CRPPA: variants seen among roughly 807,000 people sequenced by gnomAD.
CRPPA encodes the protein D-ribitol-5-phosphate cytidylyltransferase.
Under a neutral mutation model 52.0 loss-of-function variants are expected in CRPPA, and 43 were observed. That is an observed-to-expected ratio of 0.83 (90% confidence interval 0.65 to 1.07). CRPPA has a LOEUF of 1.07. Among genes scored for constraint, CRPPA ranks in the 50% least tolerant of loss-of-function variants. The probability of loss-of-function intolerance (pLI) is 0.00; values close to 1 mark genes in which losing one functional copy is unlikely to be tolerated. For synonymous variants in CRPPA, 250 were observed against 203.5 expected (o/e 1.23, Z -1.94); for missense variants, 629 against 551.7 (o/e 1.14, Z -1.40).
At chr7:16,411,047 C>T (rs926526485) in intron 1 of CRPPA, among the ~76,000 whole-genome samples, 2 of 152,180 alleles carry the variant, frequency 1.3e-5, no homozygotes, top group Non-Finnish European at 2.9e-5. Context: ...AAAACTATGT[C>T]CCAGAACTTA....
chr7:16,168,350 T>C (rs1272421304), intron 9 of CRPPA, among the ~76,000 whole-genome samples: 1 of 152,128 alleles, frequency 6.6e-6, no homozygotes, highest in African/African-American at 2.4e-5. Context: ...ATAAGGAATA[T>C]GACATATCTG....
In CRPPA at chr7:16,093,833, G is replaced by T. The variant is rs147690935; in HGVS notation, c.1252-2034C>A. 2.6e-5 allele frequency among the ~76,000 whole-genome samples: 4 copies of T among 152,170 alleles called. No individual in the cohort carries two copies. In the East Asian group the frequency reaches 7.7e-4, roughly 29 times the overall value. ...CATTCTTAATGATCAATTAATTATA[G>T]TGCTGCAGGGTCTATAACACACATC... On this transcript the variant is annotated intron_variant, in intron 9 of 9. Transcript: ENST00000407010.
chr7:16,124,742 C>A (rs979878598), intron 9 of CRPPA, among the ~76,000 whole-genome samples: 16 of 152,002 alleles, frequency 1.1e-4, no homozygotes, highest in African/African-American at 3.9e-4. Flanking sequence ...AAAAATGATA[C>A]ATGTTTGAAG....
At chr7:16,381,574 T>C (rs1787090147) in intron 2 of CRPPA, among the ~76,000 whole-genome samples, 1 of 151,870 alleles carries the variant, frequency 6.6e-6, no homozygotes, top group South Asian at 2.1e-4. Flanking sequence ...TTGATCTGTC[T>C]AATGTTGACA....
chr7:16,419,581 G>T (rs1788278885), intron 1 of CRPPA, among the ~76,000 whole-genome samples: 1 of 151,966 alleles, frequency 6.6e-6, no homozygotes, highest in South Asian at 2.1e-4. Flanking sequence ...TTGCTCCTGG[G>T]GATAACATCA....
At chr7:16,234,663 C>T (rs1187584253) in intron 8 of CRPPA, among the ~76,000 whole-genome samples, 2 of 152,034 alleles carry the variant, frequency 1.3e-5, no homozygotes, top group Non-Finnish European at 2.9e-5. Flanking sequence ...TCACAAAGCA[C>T]CTCGTTGTAG....
At chr7:16,358,576 T>C (rs534426050) in intron 3 of CRPPA, among the ~76,000 whole-genome samples, 3 of 152,326 alleles carry the variant, frequency 2.0e-5, no homozygotes, top group African/African-American at 7.2e-5. Context: ...GGGTTGGGCA[T>C]GCTATTCTGT....
chr7:16,209,489 C>G (rs1164289231), intron 9 of CRPPA, among the ~76,000 whole-genome samples: 2 of 152,030 alleles, frequency 1.3e-5, no homozygotes, highest in Non-Finnish European at 2.9e-5. Flanking sequence ...CCAGATTGGT[C>G]TCGAACTCCT....
intron 2 of CRPPA, among the ~76,000 whole-genome samples, chr7:16,398,530 C>A (rs912171010): frequency 1.3e-5 from 2 of 152,110 alleles, no homozygotes; most frequent in African/African-American, 2.4e-5. Context: ...CAAAATGTGA[C>A]AAATGATCGA....
At chr7:16,389,928 A>AATATATATATATATAT (rs1202579530) in intron 2 of CRPPA, among the ~76,000 whole-genome samples, 10 of 29,754 alleles carry the variant, frequency 3.4e-4, no homozygotes, top group African/African-American at 5.2e-4. Context: ...AAAAAAAAAA[A>AATATATATATATATAT]ATATATATAT....
chr7:16,394,591 G>A (rs943008042), intron 2 of CRPPA, among the ~76,000 whole-genome samples: 6 of 152,130 alleles, frequency 3.9e-5, no homozygotes, highest in African/African-American at 2.4e-5. Context: ...TTCTTCAGTA[G>A]TTTTTTAAAA....
intron 9 of CRPPA, among the ~76,000 whole-genome samples, chr7:16,189,320 A>G (rs961800611): frequency 4.6e-5 from 7 of 152,210 alleles, no homozygotes; most frequent in African/African-American, 1.7e-4. Context: ...GGCACAGCAG[A>G]GCCATTTTGC....
chr7:16,366,975 A>G (rs750610766), intron 3 of CRPPA, among the ~76,000 whole-genome samples: 1 of 152,124 alleles, frequency 6.6e-6, no homozygotes, highest in Non-Finnish European at 1.5e-5. Context: ...GTGGTTTGCA[A>G]CTGACTTGTG....
intron 2 of CRPPA, among the ~76,000 whole-genome samples, chr7:16,378,031 CA>C (rs1250996756): frequency 1.3e-5 from 2 of 151,072 alleles, no homozygotes; most frequent in African/African-American, 2.4e-5. Context: ...GAGTTTACTC[CA>C]AAAAAAATAG....
At position 16,154,088 on chromosome 7, in the gene CRPPA, T is replaced by A. The variant is rs1454477355; in HGVS notation, c.1251+61978A>T. On this transcript the variant is annotated intron_variant, in intron 9 of 9. Transcript: ENST00000407010. Reference sequence around the variant, plus strand: ...AGTAAACTACTAATAGGCAGTAGTATTAAATAAATAACCTGACGTTAGCAG... The same window carrying A: ...AGTAAACTACTAATAGGCAGTAGTAATAAATAAATAACCTGACGTTAGCAG... 2.7e-5 allele frequency among the ~76,000 whole-genome samples: 4 copies of A among 150,926 alleles called. No homozygotes were observed. In the South Asian group the frequency reaches 8.4e-4, roughly 32 times the overall value.
At chr7:16,194,843 T>C (rs1781695153) in intron 9 of CRPPA, among the ~76,000 whole-genome samples, 1 of 87,430 alleles carries the variant, frequency 1.1e-5, no homozygotes, top group Admixed American at 1.3e-4. Context: ...GTTTTTGGTC[T>C]TTTGGTTTTT....
chr7:16,116,658 C>CG (rs1455657506), intron 9 of CRPPA, among the ~76,000 whole-genome samples: 11 of 7,172 alleles, frequency 1.5e-3, no homozygotes, highest in East Asian at 6.0e-3. Context: ...GAGACTCGGT[C>CG]GAAAAAAAAA....
intron 6 of CRPPA, chr7:16,269,843 T>C (rs556708546): frequency 4.6e-5 from 7 of 152,142 alleles, no homozygotes; most frequent in Non-Finnish European, 1.0e-4. Flanking sequence ...ACTCAATTAT[T>C]AGGGATAACA....
chr7:16,376,030 T>C, intron 3 of CRPPA, 62 bp downstream of exon 3: 2 of 1,487,206 alleles, frequency 1.3e-6, no homozygotes, highest in Non-Finnish European at 1.8e-6. Flanking sequence ...ATTCTCCAAA[T>C]GTGGAGGTTG....
Sources: gnomAD v4.1 joint callset for allele counts (sites outside exome capture counted in the v4.1 genomes callset) on GRCh38, gnomAD v4.1.1 for gene constraint, MANE v1.5 for transcripts, NCBI Gene and HGNC (gene_info 2026-07-23, HGNC 2026-07-21) for gene names.